GPC3: variants seen among roughly 807,000 people sequenced by gnomAD.
GPC3 encodes the protein glypican 3, also known as glypican-3.
GPC3 carries 3 observed loss-of-function variants against 34.4 expected under a neutral mutation model. That is an observed-to-expected ratio of 0.09 (90% CI 0.04 to 0.23). GPC3 has a LOEUF of 0.23. GPC3 is among the 10% of genes least tolerant of loss of function. GPC3 has a pLI of 1.00. For synonymous variants in GPC3, 177 were observed against 174.0 expected, an observed-to-expected ratio of 1.02 and a Z score of -0.13; for missense variants, 351 against 445.6, an observed-to-expected ratio of 0.79 and a Z score of 1.91.
At chrX:133,589,025 A>G (rs774560360) in intron 7 of GPC3, among the ~76,000 whole-genome samples, 85 of 111,661 alleles carry the variant, frequency 7.6e-4, no homozygotes, top group Non-Finnish European at 2.8e-4. Context: ...AGATGACAAC[A>G]GAAGAATGGC....
rs139579457 is a variant in GPC3 at position 133,616,353 on chromosome X, A to G, written c.1414-19754T>C. On this transcript the variant is annotated intron_variant, in intron 6 of 7. Transcript: ENST00000370818. ...ACTTATACACTGAAAACTACAAAACATCACAACAAGAAATTTAAAAAGAAC... is the reference window on the plus strand; with the variant it reads ...ACTTATACACTGAAAACTACAAAACGTCACAACAAGAAATTTAAAAAGAAC... Among the ~76,000 whole-genome samples, 890 of 111,967 alleles carry G rather than the reference A, an allele frequency of 7.9e-3. 11 individuals carry two copies. Among genetic ancestry groups the G allele is most frequent in the African/African-American group, 0.027 (842 of 30,884 alleles).
intron 1 of GPC3, among the ~76,000 whole-genome samples, chrX:133,977,619 G>C (rs1394649619): frequency 8.9e-6 from 1 of 112,132 alleles, no homozygotes; most frequent in South Asian, 3.7e-4. Flanking sequence ...GATACACACT[G>C]TAAGTACTGA....
chrX:133,913,714 G>A (rs892531658), intron 2 of GPC3, among the ~76,000 whole-genome samples: 8 of 111,475 alleles, frequency 7.2e-5, no homozygotes, highest in East Asian at 5.6e-4. Context: ...TGGTTGTTTC[G>A]TAAATCTCCA....
At chrX:133,603,171 C>G (rs2124338460) in intron 6 of GPC3, among the ~76,000 whole-genome samples, 1 of 109,654 alleles carries the variant, frequency 9.1e-6, no homozygotes, top group Non-Finnish European at 1.9e-5. Flanking sequence ...GACACGCTCC[C>G]TGGCCCAATT....
intron 5 of GPC3, among the ~76,000 whole-genome samples, chrX:133,668,587 G>A (rs747693431): frequency 1.8e-5 from 2 of 110,217 alleles, no homozygotes; most frequent in Admixed American, 1.9e-4. Flanking sequence ...GCACCTCATG[G>A]TACTTATACT....
chrX:133,860,004 C>G (rs1329470395), intron 2 of GPC3, among the ~76,000 whole-genome samples: 1 of 110,677 alleles, frequency 9.0e-6, no homozygotes, highest in East Asian at 2.9e-4. Flanking sequence ...GCAATCAGTT[C>G]TGGAAACTAA....
intron 2 of GPC3, among the ~76,000 whole-genome samples, chrX:133,847,217 T>A (rs2124556186): frequency 8.9e-6 from 1 of 111,942 alleles, no homozygotes; most frequent in African/African-American, 3.2e-5. Context: ...TTGTCTACAG[T>A]TTGCCATCTG....
intron 2 of GPC3, among the ~76,000 whole-genome samples, chrX:133,862,691 AAATAAT>A (rs770674766): frequency 7.4e-5 from 8 of 107,985 alleles, no homozygotes; most frequent in East Asian, 2.8e-4. Flanking sequence ...CTCCATCTCA[AAATAAT>A]AATAATAATA....
intron 1 of GPC3, among the ~76,000 whole-genome samples, chrX:133,972,688 C>T (rs187636745): frequency 8.9e-6 from 1 of 112,286 alleles, no homozygotes; most frequent in Admixed American, 9.4e-5. Context: ...ACATAATAGA[C>T]AGAGGTAGAC....
intron 2 of GPC3, among the ~76,000 whole-genome samples, chrX:133,939,399 T>C (rs2076335519): frequency 8.9e-6 from 1 of 111,994 alleles, no homozygotes; most frequent in Non-Finnish European, 1.9e-5. Flanking sequence ...TAGTATAGTG[T>C]ATATAAGCAA....
At chrX:133,881,636 C>T (rs767899607) in intron 2 of GPC3, among the ~76,000 whole-genome samples, 25 of 112,260 alleles carry the variant, frequency 2.2e-4, no homozygotes, top group African/African-American at 8.1e-4. Flanking sequence ...TGAAAACATG[C>T]TTTTTATTTG....
intron 7 of GPC3, among the ~76,000 whole-genome samples, chrX:133,589,557 G>T (rs1002237255): frequency 1.0e-4 from 11 of 109,961 alleles, no homozygotes; most frequent in Non-Finnish European, 2.1e-4. Context: ...TGTATTTTTA[G>T]TAGAGGCGGG....
Position 133,776,881 on chromosome X carries a change from T to TTC in GPC3, c.338-22706_338-22705insGA, listed in dbSNP as rs1556303651. Among the ~76,000 whole-genome samples, 25 of 92,199 alleles carry TTC rather than the reference T, an allele frequency of 2.7e-4. No homozygotes were observed. In the East Asian group the frequency reaches 3.6e-3, roughly 13 times the overall value. The allele number at this position is 92,199 out of a possible 115,157, so 80.1% of individuals were successfully genotyped here. On this transcript the variant is annotated intron_variant, in intron 2 of 7. Coordinates refer to ENST00000370818, the MANE Select transcript of GPC3 (RefSeq NM_004484.4). ...AAGTAGTCACGTCCTTTCTTTTCTT[T>TTC]TTTTTTTTTTTTTTTTGAGATGGAG... is the stretch of plus-strand genomic sequence containing the variant.
chrX:133,822,997 C>T (rs1353495759), intron 2 of GPC3, among the ~76,000 whole-genome samples: 1 of 107,408 alleles, frequency 9.3e-6, no homozygotes, highest in Non-Finnish European at 1.9e-5. Context: ...GGTGTGGTGG[C>T]GGGTGCCTGT....
chrX:133,678,738 G>A (rs1250379896), intron 5 of GPC3, among the ~76,000 whole-genome samples: 1 of 112,038 alleles, frequency 8.9e-6, no homozygotes, highest in Non-Finnish European at 1.9e-5. Context: ...GCCATGTATA[G>A]GAATTTGTAA....
At chrX:133,797,068 T>A (rs1304504256) in intron 2 of GPC3, among the ~76,000 whole-genome samples, 1 of 111,322 alleles carries the variant, frequency 9.0e-6, no homozygotes, top group Non-Finnish European at 1.9e-5. Context: ...TCTGTCTTGA[T>A]ACTGTATCTC....
rs56318773 is a variant in GPC3 at position 133,788,088 on chromosome X, T to TTATATATATATA, written c.338-33924_338-33913dup. Among the ~76,000 whole-genome samples, 629 of 64,785 alleles carry TTATATATATATA rather than the reference T, an allele frequency of 9.7e-3. 7 individuals carry two copies. The highest frequency in any genetic ancestry group is 0.036 in the Middle Eastern group (4 of 112). The allele number at this position is 64,785 out of a possible 115,157, so 56.3% of individuals were successfully genotyped here. On this transcript the variant is annotated intron_variant, in intron 2 of 7. Coordinates refer to ENST00000370818, the MANE Select transcript of GPC3 (RefSeq NM_004484.4). Reference sequence around the variant, plus strand: ...TATAATATAAAGATATCATATTATTTTATATATATATATATATATATATAT... The same window carrying TTATATATATATA: ...TATAATATAAAGATATCATATTATTTTATATATATATATATATATATATATATATATATATAT...
chrX:133,953,857 G>T (rs890318996), intron 1 of GPC3, among the ~76,000 whole-genome samples: 8 of 111,809 alleles, frequency 7.2e-5, no homozygotes, highest in African/African-American at 2.6e-4. Context: ...TACATTCTGG[G>T]AGATAACAAA....
At chrX:133,627,098 G>A (rs1262979654) in intron 6 of GPC3, among the ~76,000 whole-genome samples, 1 of 98,724 alleles carries the variant, frequency 1.0e-5, no homozygotes, top group African/African-American at 3.7e-5. Flanking sequence ...CTCACTCAAA[G>A]GTGGGAATTT....
Sources: gnomAD v4.1 joint callset for allele counts (sites outside exome capture counted in the v4.1 genomes callset) on GRCh38, gnomAD v4.1.1 for gene constraint, MANE v1.5 for transcripts, NCBI Gene and HGNC (gene_info 2026-07-23, HGNC 2026-07-21) for gene names.